TTBK2: variants seen among roughly 807,000 people sequenced by gnomAD.
The protein encoded by TTBK2 is tau tubulin kinase 2, also known as tau-tubulin kinase 2.
Under a neutral mutation model 110.8 loss-of-function variants are expected in TTBK2, and 28 were observed. The observed-to-expected ratio is 0.25, with a 90% CI of 0.19 to 0.35. TTBK2 has a LOEUF of 0.35. TTBK2 is among the 10% of genes least tolerant of loss of function. The probability of loss-of-function intolerance (pLI) is 1.00; values close to 1 mark genes in which losing one functional copy is unlikely to be tolerated. For missense variants in TTBK2, 1,369 were observed against 1,500.3 expected, an observed-to-expected ratio of 0.91 and a Z score of 1.45; for synonymous variants, 532 against 527.3, an observed-to-expected ratio of 1.01 and a Z score of -0.12.
intron 4 of TTBK2, among the ~76,000 whole-genome samples, chr15:42,834,349 G>A (rs1276332813): frequency 6.6e-6 from 1 of 152,084 alleles, no homozygotes; most frequent in East Asian, 1.9e-4. Flanking sequence ...CACTTGAAAA[G>A]AATTAAAAAT....
intron 3 of TTBK2, among the ~76,000 whole-genome samples, chr15:42,843,124 G>GT (rs1005300352): frequency 5.3e-5 from 8 of 152,174 alleles, no homozygotes; most frequent in Non-Finnish European, 1.2e-4. Context: ...TGCAAAAACT[G>GT]TAACAGTGAG....
chr15:42,818,004 TTCTTA>T (rs1406871550), intron 6 of TTBK2, among the ~76,000 whole-genome samples: 1 of 152,216 alleles, frequency 6.6e-6, no homozygotes, highest in African/African-American at 2.4e-5. Context: ...CTTTCTTTCT[TTCTTA>T]TAACACCTTT....
intron 9 of TTBK2, among the ~76,000 whole-genome samples, chr15:42,808,180 T>C (rs1351446498): frequency 2.6e-5 from 4 of 152,156 alleles, no homozygotes; most frequent in Non-Finnish European, 5.9e-5. Flanking sequence ...GAAAACAAAA[T>C]AGCTACTCTC....
chr15:42,815,790 G>A (rs1175976584), intron 7 of TTBK2, among the ~76,000 whole-genome samples: 1 of 146,640 alleles, frequency 6.8e-6, no homozygotes, highest in Non-Finnish European at 1.5e-5. Flanking sequence ...GGTATTGATA[G>A]TATTATATTC....
intron 6 of TTBK2, among the ~76,000 whole-genome samples, chr15:42,820,383 C>G (rs1380392401): frequency 6.6e-6 from 1 of 152,118 alleles, no homozygotes; most frequent in African/African-American, 2.4e-5. Context: ...AGAGGAAGGA[C>G]AAGTCTTAGG....
At chr15:42,772,598 G>T (rs1481980791) in intron 13 of TTBK2, among the ~76,000 whole-genome samples, 1 of 152,082 alleles carries the variant, frequency 6.6e-6, no homozygotes, top group African/African-American at 2.4e-5. Flanking sequence ...GATAACATAT[G>T]GGTGATGTTA....
rs2061742346 is a variant in TTBK2, at chr15:42,740,340, A to G, written c.*5455T>C. On this transcript the variant is annotated 3_prime_UTR_variant, in exon 15 of 15. Coordinates refer to ENST00000267890, the MANE Select transcript of TTBK2 (RefSeq NM_173500.4). ...AGTCTAAGGAAATATCCTAATCATT[A>G]CTGTGTAATGTTACTTTTTTGCTAT... 6.6e-6 allele frequency: 1 copy of G among 152,210 alleles called. No homozygotes were observed. The highest frequency in any genetic ancestry group is 2.4e-5 in the African/African-American group (1 of 41,438). The allele number at this position is 152,210 out of a possible 1,614,324, so 9.4% of individuals were successfully genotyped here. A position where few individuals can be genotyped will look rare whatever the true frequency, so the allele number is the denominator to read the frequency against.
At chr15:42,888,535 CATT>C (rs1169248130) in intron 1 of TTBK2, among the ~76,000 whole-genome samples, 1 of 152,104 alleles carries the variant, frequency 6.6e-6, no homozygotes, top group African/African-American at 2.4e-5. Context: ...CCATATCTAT[CATT>C]GAGGCTACTG....
intron 13 of TTBK2, among the ~76,000 whole-genome samples, chr15:42,763,558 G>A (rs773360835): frequency 4.0e-5 from 6 of 151,856 alleles, no homozygotes; most frequent in Admixed American, 1.3e-4. Context: ...GATATCGAAT[G>A]CTCCCAACAC....
At chr15:42,799,485 G>A (rs1200954673) in intron 9 of TTBK2, among the ~76,000 whole-genome samples, 1 of 152,088 alleles carries the variant, frequency 6.6e-6, no homozygotes, top group Non-Finnish European at 1.5e-5. Flanking sequence ...CCAGGCTGGA[G>A]TGCAGTGGTG....
At chr15:42,798,942 C>G (rs993461906) in intron 9 of TTBK2, among the ~76,000 whole-genome samples, 2 of 152,100 alleles carry the variant, frequency 1.3e-5, no homozygotes, top group Non-Finnish European at 2.9e-5. Flanking sequence ...ATCTGAAAAT[C>G]GAAAATCCAA....
chr15:42,920,885 G>A (rs2031338907), upstream of TTBK2: 1 of 152,814 alleles, frequency 6.5e-6, no homozygotes, highest in East Asian at 1.9e-4. Context: ...TACAGGTGCT[G>A]ATTGGAGAGT....
chr15:42,889,630 G>A (rs1895376241), intron 1 of TTBK2, among the ~76,000 whole-genome samples: 1 of 152,166 alleles, frequency 6.6e-6, no homozygotes, highest in South Asian at 2.1e-4. Flanking sequence ...CCAATTCTTA[G>A]TCCTTTAATA....
Position 42,775,706 on chromosome 15 carries a change from T to G in TTBK2, c.1427A>C (p.Lys476Thr), listed in dbSNP as rs1451694044. 6.2e-7 allele frequency: 1 copy of G among 1,612,060 alleles called. No homozygotes were observed. The highest frequency in any genetic ancestry group is 1.1e-5 in the South Asian group (1 of 90,962). ...AGATTCTTTTCCTGCACTGGTATCT[T>G]TCTGCATTTTCTCCAGGCTTAAGGA... ...FLETCLEKMQ[K>T]DTSAGKESIL... The change falls in exon 13 of 15, where the codon AAA becomes ACA. Residue 476 changes from lysine to threonine, a missense_variant. By Grantham distance (78) the Lys-to-Thr change is moderately conservative. Coordinates refer to ENST00000267890, the MANE Select transcript of TTBK2 (RefSeq NM_173500.4).
In TTBK2 at chr15:42,745,555, C is replaced by T. The variant is rs1273931966; in HGVS notation, c.*240G>A. The T allele has an allele frequency of 1.8e-6, 1 of 552,488 alleles. No individual in the cohort carries two copies. The highest frequency in any genetic ancestry group is 3.2e-6 in the Non-Finnish European group (1 of 310,532). The allele number at this position is 552,488 out of a possible 1,614,324, so 34.2% of individuals were successfully genotyped here. A position where few individuals can be genotyped will look rare whatever the true frequency, so the allele number is the denominator to read the frequency against. On this transcript the variant is annotated 3_prime_UTR_variant, in exon 15 of 15. Coordinates refer to ENST00000267890, the MANE Select transcript of TTBK2 (RefSeq NM_173500.4). ...AGAGCTCATTTTAATGAGTTTCTCC[C>T]CCTTGGATTTTTGCTCTATTTTTCC...
At chr15:42,803,048 C>T (rs969944233) in intron 9 of TTBK2, among the ~76,000 whole-genome samples, 16 of 152,148 alleles carry the variant, frequency 1.1e-4, no homozygotes, top group African/African-American at 3.6e-4. Context: ...AGCCCGCAGA[C>T]GGCCTATTGT....
intron 1 of TTBK2, among the ~76,000 whole-genome samples, chr15:42,891,489 T>G (rs1487663862): frequency 7.3e-5 from 11 of 150,778 alleles, no homozygotes; most frequent in African/African-American, 2.0e-4. Flanking sequence ...CTCTGTATAT[T>G]AAAAACTCTG....
chr15:42,859,416 G>A (rs893467032), intron 3 of TTBK2, among the ~76,000 whole-genome samples: 15 of 152,066 alleles, frequency 9.9e-5, no homozygotes, highest in Non-Finnish European at 1.9e-4. Context: ...CTGGCCTGGG[G>A]TTTTACTGAA....
intron 9 of TTBK2, among the ~76,000 whole-genome samples, chr15:42,808,718 T>C (rs1341978519): frequency 1.3e-5 from 2 of 149,934 alleles, no homozygotes; most frequent in African/African-American, 4.9e-5. Flanking sequence ...CCAGGCATGG[T>C]GCACACTTGT....
Sources: gnomAD v4.1 joint callset for allele counts (sites outside exome capture counted in the v4.1 genomes callset) on GRCh38, gnomAD v4.1.1 for gene constraint, MANE v1.5 for transcripts, NCBI Gene and HGNC (gene_info 2026-07-23, HGNC 2026-07-21) for gene names.